CELF4: variants seen among roughly 807,000 people sequenced by gnomAD.
CELF4 encodes CUGBP Elav-like family member 4, also known as CUG-BP- and ETR-3-like factor 4.
CELF4 carries 18 observed loss-of-function variants against 59.9 expected under a neutral mutation model. That is an observed-to-expected ratio of 0.30 (90% CI 0.21 to 0.45). CELF4 has a LOEUF of 0.45. CELF4 is among the 20% of genes least tolerant of loss of function. CELF4 has a pLI of 1.00. For missense variants in CELF4, 456 were observed against 689.0 expected (o/e 0.66, Z 3.79); for synonymous variants, 261 against 267.1 (o/e 0.98, Z 0.22).
chr18:37,485,089 G>A (rs1257486289), intron 2 of CELF4, among the ~76,000 whole-genome samples: 2 of 152,208 alleles, frequency 1.3e-5, no homozygotes, highest in Non-Finnish European at 2.9e-5. Flanking sequence ...AGGCGCGATA[G>A]TTTATCAAAG....
rs370690166 is a variant in CELF4, at chr18:37,557,757, G to C, written c.286+7599C>G. On this transcript the variant is annotated intron_variant, in intron 1 of 12. Coordinates refer to ENST00000420428, the MANE Select transcript of CELF4 (RefSeq NM_020180.4). ...CTGAGTTTGATCAATATTTTTGGCTGTTCTGTCCCCACAGAAGCAGGACTA... is the reference window on the plus strand; with the variant it reads ...CTGAGTTTGATCAATATTTTTGGCTCTTCTGTCCCCACAGAAGCAGGACTA... 3.9e-5 allele frequency among the ~76,000 whole-genome samples: 6 copies of C among 152,234 alleles called. No individual in the cohort carries two copies. The East Asian group carries it at 7.7e-4, about 20-fold the overall frequency.
intron 1 of CELF4, among the ~76,000 whole-genome samples, chr18:37,487,705 C>T (rs1392090630): frequency 6.6e-6 from 1 of 152,108 alleles, no homozygotes; most frequent in Non-Finnish European, 1.5e-5. Flanking sequence ...CGCAGGCAAG[C>T]CAGCTTGGGA....
intron 3 of CELF4, among the ~76,000 whole-genome samples, chr18:37,294,638 ATTT>A (rs150204807): frequency 7.4e-4 from 112 of 152,306 alleles, no homozygotes; most frequent in Middle Eastern, 3.4e-3. Context: ...CAGCCTGCTA[ATTT>A]TTAGAATCCA....
Position 37,274,151 on chromosome 18 carries a change from G to C in CELF4, c.801+160C>G, listed in dbSNP as rs986496450. 1.7e-5 allele frequency: 25 copies of C among 1,457,872 alleles called. No homozygotes were observed. The African/African-American group carries it at 3.3e-4, about 19-fold the overall frequency. The allele number at this position is 1,457,872 out of a possible 1,614,324, so 90.3% of individuals were successfully genotyped here. On this transcript the variant is annotated intron_variant, in intron 6 of 12. Coordinates refer to ENST00000420428, the MANE Select transcript of CELF4 (RefSeq NM_020180.4). Reference sequence around the variant, plus strand: ...GGCCAGCCTTCTTTCAAACCCTTCTGAAGTTAAACCCCCCAGGTTCATGGG... The same window carrying C: ...GGCCAGCCTTCTTTCAAACCCTTCTCAAGTTAAACCCCCCAGGTTCATGGG...
intron 1 of CELF4, among the ~76,000 whole-genome samples, chr18:37,500,935 G>C (rs181990193): frequency 6.6e-6 from 1 of 152,344 alleles, no homozygotes; most frequent in East Asian, 1.9e-4. Context: ...AGGTCCAGCT[G>C]AGGCCTCTCC....
chr18:37,282,778 C>A (rs549550792), intron 3 of CELF4, among the ~76,000 whole-genome samples: 2 of 152,118 alleles, frequency 1.3e-5, no homozygotes, highest in African/African-American at 4.8e-5. Flanking sequence ...GCCATCCTCC[C>A]AAGAGCCAGT....
At chr18:37,347,331 C>T (rs556194390) in intron 2 of CELF4, among the ~76,000 whole-genome samples, 6 of 152,222 alleles carry the variant, frequency 3.9e-5, no homozygotes, top group African/African-American at 1.2e-4. Flanking sequence ...ATCCGAGGCC[C>T]TTGTGTGGGA....
At chr18:37,319,293 C>T (rs903315735) in intron 3 of CELF4, among the ~76,000 whole-genome samples, 10 of 152,242 alleles carry the variant, frequency 6.6e-5, no homozygotes, top group Admixed American at 1.3e-4. Context: ...CAGCACAAAC[C>T]ACATGGGCTT....
intron 2 of CELF4, among the ~76,000 whole-genome samples, chr18:37,353,233 A>AAAAAAATATAT (rs71168258): frequency 4.2e-4 from 45 of 106,968 alleles, no homozygotes; most frequent in East Asian, 3.7e-3. Flanking sequence ...AAAAAAAAAA[A>AAAAAAATATAT]ATATATATAT....
Position 37,245,221 on chromosome 18 carries a change from G to A in CELF4, c.*45-24C>T, listed in dbSNP as rs754502679. The A allele has an allele frequency of 9.2e-5, 14 of 152,140 alleles. No homozygotes were observed. Among genetic ancestry groups the A allele is most frequent in the Non-Finnish European group, 1.9e-4 (13 of 68,024 alleles). 9.4% of individuals were successfully genotyped at this position (152,140 alleles called of 1,614,324 possible). On this transcript the variant is annotated intron_variant, in intron 12 of 12. Transcript: ENST00000420428. The surrounding 1 kb of genome is among the most constrained non-coding windows in gnomAD (Gnocchi z 4.1). ...CCCTAAAATGAAGAAAATCAGGGCTGATTAAGCCAAGAGGGAAAACACAAA... is the reference window on the plus strand; with the variant it reads ...CCCTAAAATGAAGAAAATCAGGGCTAATTAAGCCAAGAGGGAAAACACAAA...
At chr18:37,454,793 G>A (rs1030609614) in intron 2 of CELF4, among the ~76,000 whole-genome samples, 1 of 152,096 alleles carries the variant, frequency 6.6e-6, no homozygotes, top group Admixed American at 6.5e-5. Context: ...TTAACCTTGG[G>A]AATTAAAGAG....
intron 2 of CELF4, among the ~76,000 whole-genome samples, chr18:37,362,127 TC>T (rs2098713182): frequency 6.6e-6 from 1 of 151,870 alleles, no homozygotes; most frequent in Admixed American, 6.6e-5. Flanking sequence ...CCTGGCCACA[TC>T]CCCAGCCCTG....
intron 2 of CELF4, among the ~76,000 whole-genome samples, chr18:37,469,913 C>T (rs915606902): frequency 3.9e-5 from 6 of 152,170 alleles, no homozygotes. Flanking sequence ...TAAGGGGCAT[C>T]AGTGGGAGGT....
At chr18:37,527,340 G>A (rs1451157006) in intron 1 of CELF4, among the ~76,000 whole-genome samples, 1 of 151,820 alleles carries the variant, frequency 6.6e-6, no homozygotes, top group Non-Finnish European at 1.5e-5. Flanking sequence ...AGAGGAGCTC[G>A]AGCCTCTAAA....
intron 1 of CELF4, among the ~76,000 whole-genome samples, chr18:37,554,585 C>T (rs1430651252): frequency 6.6e-6 from 1 of 152,190 alleles, no homozygotes; most frequent in African/African-American, 2.4e-5. Flanking sequence ...CAGCATGGGG[C>T]CTGGACTCTA....
chr18:37,352,635 T>G (rs533823972), intron 2 of CELF4, among the ~76,000 whole-genome samples: 1 of 152,216 alleles, frequency 6.6e-6, no homozygotes, highest in East Asian at 1.9e-4. Context: ...TTTAAGTATC[T>G]GCTTTGGATT....
intron 1 of CELF4, among the ~76,000 whole-genome samples, chr18:37,554,341 C>A (rs1016609051): frequency 6.6e-6 from 1 of 151,660 alleles, no homozygotes; most frequent in African/African-American, 2.4e-5. Flanking sequence ...CAGAGGCCAG[C>A]GGACCTTCTT....
intron 3 of CELF4, among the ~76,000 whole-genome samples, chr18:37,283,865 G>A (rs1045971192): frequency 4.2e-4 from 10 of 23,542 alleles, no homozygotes; most frequent in Non-Finnish European, 9.2e-4. Context: ...AACAGCACGT[G>A]CAAAAGCAGG....
At chr18:37,273,651 G>C (rs1343365997) in intron 6 of CELF4, 1 of 988,248 alleles carries the variant, frequency 1.0e-6, no homozygotes, top group Non-Finnish European at 1.2e-6. Context: ...AGTGCGGACA[G>C]GGGAGGCTGC....
Sources: allele counts gnomAD v4.1 joint callset (sites outside exome capture counted in the v4.1 genomes callset), GRCh38; gene constraint gnomAD v4.1.1; non-coding constraint Gnocchi (gnomAD v3.1); transcripts MANE v1.5; gene names NCBI Gene and HGNC (gene_info 2026-07-23, HGNC 2026-07-21).